MAGI2: variants seen among roughly 807,000 people sequenced by gnomAD.
MAGI2 encodes membrane associated guanylate kinase, WW and PDZ domain containing 2, also known as membrane-associated guanylate kinase, WW and PDZ domain-containing protein 2.
Under a neutral mutation model 133.3 loss-of-function variants are expected in MAGI2, and 35 were observed. That is an observed-to-expected ratio of 0.26 (90% CI 0.20 to 0.35). MAGI2 has a LOEUF of 0.35. Ranked by LOEUF, MAGI2 falls within the 10% of genes least tolerant of loss-of-function variation. MAGI2 has a pLI of 1.00. For missense variants in MAGI2, 1,636 were observed against 1,863.4 expected (o/e 0.88, Z 2.25); for synonymous variants, 729 against 710.6 (o/e 1.03, Z -0.41).
chr7:79,409,355 C>T (rs1406942896), intron 1 of MAGI2, among the ~76,000 whole-genome samples: 2 of 151,932 alleles, frequency 1.3e-5, no homozygotes, highest in Non-Finnish European at 1.5e-5. Flanking sequence ...GAACTCCTGG[C>T]CTCAAGCCAC....
At chr7:78,495,801 T>C (rs1280794343) in intron 5 of MAGI2, among the ~76,000 whole-genome samples, 1 of 152,196 alleles carries the variant, frequency 6.6e-6, no homozygotes, top group Non-Finnish European at 1.5e-5. Flanking sequence ...TTGGATATTG[T>C]GGATGTGTAT....
At chr7:78,473,767 A>G (rs901020849) in intron 6 of MAGI2, among the ~76,000 whole-genome samples, 1 of 152,030 alleles carries the variant, frequency 6.6e-6, no homozygotes, top group Non-Finnish European at 1.5e-5. Context: ...ATCTAAACAC[A>G]ACACCTCTTC....
At chr7:79,224,054 A>G (rs1024242627) in intron 1 of MAGI2, among the ~76,000 whole-genome samples, 1 of 152,086 alleles carries the variant, frequency 6.6e-6, no homozygotes, top group African/African-American at 2.4e-5. Flanking sequence ...TTCTTGGCTA[A>G]TAACATTGGA....
intron 1 of MAGI2, among the ~76,000 whole-genome samples, chr7:79,183,724 C>G (rs1023826970): frequency 2.6e-4 from 40 of 151,826 alleles, no homozygotes; most frequent in African/African-American, 9.7e-4. Context: ...TTCCAAGAGA[C>G]GGAATCAACT....
intron 3 of MAGI2, among the ~76,000 whole-genome samples, chr7:78,576,885 A>T (rs1170097150): frequency 6.6e-6 from 1 of 152,108 alleles, no homozygotes; most frequent in Non-Finnish European, 1.5e-5. Flanking sequence ...TATTACTTGA[A>T]GACAGGAGTT....
intron 9 of MAGI2, among the ~76,000 whole-genome samples, chr7:78,314,789 T>C (rs1198254696): frequency 1.3e-5 from 2 of 152,212 alleles, no homozygotes; most frequent in Non-Finnish European, 2.9e-5. Flanking sequence ...TGTTGTTTCT[T>C]GTATATATTC....
intron 20 of MAGI2, among the ~76,000 whole-genome samples, chr7:78,116,102 A>G (rs375528051): frequency 2.0e-4 from 30 of 152,352 alleles, no homozygotes; most frequent in African/African-American, 7.2e-4. Context: ...AAATTGAAAG[A>G]CTGAAATCTT....
At chr7:78,511,429 T>A (rs1466681166) in intron 4 of MAGI2, among the ~76,000 whole-genome samples, 1 of 151,680 alleles carries the variant, frequency 6.6e-6, no homozygotes, top group African/African-American at 2.4e-5. Context: ...AATGCTCTTA[T>A]CCATTTTCTT....
chr7:78,438,581 G>C (rs747175015), intron 6 of MAGI2, among the ~76,000 whole-genome samples: 5 of 152,094 alleles, frequency 3.3e-5, no homozygotes, highest in African/African-American at 1.2e-4. Flanking sequence ...TGCTAGAAGC[G>C]GGGCCAAAGT....
rs1176426138 is a variant in MAGI2, at chr7:79,416,725, C to CTTTTTTTTTTTTT, written c.301+36294_301+36295insAAAAAAAAAAAAA. 6.8e-3 allele frequency among the ~76,000 whole-genome samples: 701 copies of CTTTTTTTTTTTTT among 102,388 alleles called. 114 individuals carry two copies. The highest frequency in any genetic ancestry group is 0.018 in the African/African-American group (436 of 24,018). The allele number at this position is 102,388 out of a possible 152,430, so 67.2% of individuals were successfully genotyped here. A position where few individuals can be genotyped will look rare whatever the true frequency, so the allele number is the denominator to read the frequency against. On this transcript the variant is annotated intron_variant, in intron 1 of 21. Transcript: ENST00000354212. ...TTCTTTTTTCTTTTCTTTTCTTTTTCTTTTTCTTTTTTTTTTTTTGAGGTG... is the reference window on the plus strand; with the variant it reads ...TTCTTTTTTCTTTTCTTTTCTTTTTCTTTTTTTTTTTTTTTTTTCTTTTTTTTTTTTTGAGGTG...
chr7:78,275,073 G>T (rs1261470134), intron 9 of MAGI2, among the ~76,000 whole-genome samples: 1 of 152,294 alleles, frequency 6.6e-6, no homozygotes, highest in East Asian at 1.9e-4. Context: ...GGGCCCTGGT[G>T]GGGTAGGCAC....
At chr7:78,787,098 C>T (rs1328475137) in intron 2 of MAGI2, among the ~76,000 whole-genome samples, 2 of 152,064 alleles carry the variant, frequency 1.3e-5, no homozygotes, top group East Asian at 1.9e-4. Context: ...CAGGTGTGCA[C>T]CACCAGGCCC....
intron 2 of MAGI2, among the ~76,000 whole-genome samples, chr7:78,941,570 A>T (rs1322020054): frequency 6.6e-6 from 1 of 151,996 alleles, no homozygotes; most frequent in East Asian, 1.9e-4. Flanking sequence ...TCCTGGCCTC[A>T]AGCCATCCAC....
At chr7:78,133,517 C>A (rs1584072465) in intron 17 of MAGI2, among the ~76,000 whole-genome samples, 1 of 152,166 alleles carries the variant, frequency 6.6e-6, no homozygotes, top group Non-Finnish European at 1.5e-5. Context: ...TTTTCCTCAT[C>A]CCTTGTCAGT....
intron 9 of MAGI2, among the ~76,000 whole-genome samples, chr7:78,266,214 T>C (rs12533922): frequency 0.18 from 26,837 of 152,116 alleles, 2,805 homozygotes; most frequent in East Asian, 0.29. Flanking sequence ...TGTTTTTATG[T>C]TTATTTGAGA....
At chr7:78,988,145 A>G (rs867802389) in intron 2 of MAGI2, among the ~76,000 whole-genome samples, 1 of 152,160 alleles carries the variant, frequency 6.6e-6, no homozygotes. Context: ...TTCCTATAGA[A>G]GGGGACGAGA....
At chr7:78,275,898 C>T (rs1006501759) in intron 9 of MAGI2, among the ~76,000 whole-genome samples, 9 of 152,100 alleles carry the variant, frequency 5.9e-5, no homozygotes, top group Non-Finnish European at 7.4e-5. Context: ...GAAACATATA[C>T]GTAATATCTT....
At chr7:78,390,596 A>T (rs1339493154) in intron 6 of MAGI2, among the ~76,000 whole-genome samples, 3 of 134,524 alleles carry the variant, frequency 2.2e-5, no homozygotes, top group African/African-American at 5.6e-5. Flanking sequence ...TACAGCAGGG[A>T]TTAGAATGTT....
At chr7:78,295,741 C>A (rs1797165032) in intron 9 of MAGI2, among the ~76,000 whole-genome samples, 1 of 152,110 alleles carries the variant, frequency 6.6e-6, no homozygotes, top group African/African-American at 2.4e-5. Context: ...CAGTAGCCCT[C>A]CCCTAAATAA....
Sources: allele counts gnomAD v4.1 joint callset (sites outside exome capture counted in the v4.1 genomes callset), GRCh38; gene constraint gnomAD v4.1.1; transcripts MANE v1.5; gene names NCBI Gene and HGNC (gene_info 2026-07-23, HGNC 2026-07-21).